DPYD: variants seen among roughly 807,000 people sequenced by gnomAD.
DPYD encodes the protein dihydropyrimidine dehydrogenase.
DPYD carries 109 observed loss-of-function variants against 116.2 expected under a neutral mutation model. The ratio of observed to expected loss-of-function variants is 0.94; its 90% confidence interval spans 0.80 to 1.10. The LOEUF (loss-of-function observed/expected upper bound fraction) is 1.10. DPYD is among the 50% of genes least tolerant of loss of function. DPYD has a pLI of 0.00. For synonymous variants in DPYD, 440 were observed against 432.0 expected (o/e 1.02, Z -0.23); for missense variants, 1,302 against 1,254.5 (o/e 1.04, Z -0.57).
chr1:97,751,460 G>GTGTGTATATA (rs763260651), intron 3 of DPYD, among the ~76,000 whole-genome samples: 949 of 21,136 alleles, frequency 0.045, 61 homozygotes, highest in Middle Eastern at 0.13. Flanking sequence ...GTGTGTGTGT[G>GTGTGTATATA]TATATATATA....
intron 20 of DPYD, among the ~76,000 whole-genome samples, chr1:97,114,461 C>T (rs972360429): frequency 4.6e-5 from 7 of 152,110 alleles, no homozygotes; most frequent in Non-Finnish European, 1.0e-4. Flanking sequence ...GATGTCCTAA[C>T]CATTTTATAA....
Position 97,439,387 on chromosome 1 carries a change from G to T in DPYD, c.1905+10672C>A, listed in dbSNP as rs143455995. ...GCGAATCTACTTGTGAAGCAATCTGGGCCTGAAGTTTTATTTTCTCTAATG... is the reference window on the plus strand; with the variant it reads ...GCGAATCTACTTGTGAAGCAATCTGTGCCTGAAGTTTTATTTTCTCTAATG... On this transcript the variant is annotated intron_variant, in intron 14 of 22. Coordinates refer to ENST00000370192, the MANE Select transcript of DPYD (RefSeq NM_000110.4). Among the ~76,000 whole-genome samples, 197 of 152,134 alleles carry T rather than the reference G, an allele frequency of 1.3e-3. 1 individual carries two copies. The highest frequency in any genetic ancestry group is 2.2e-3 in the Non-Finnish European group (152 of 67,972).
At chr1:97,504,165 C>A (rs748131828) in intron 13 of DPYD, among the ~76,000 whole-genome samples, 31 of 152,000 alleles carry the variant, frequency 2.0e-4, no homozygotes, top group Non-Finnish European at 3.4e-4. Context: ...TCCTGAGAGA[C>A]AGCTTTTAAA....
At chr1:97,553,189 G>T (rs1162889241) in intron 11 of DPYD, among the ~76,000 whole-genome samples, 4 of 151,822 alleles carry the variant, frequency 2.6e-5, no homozygotes, top group Non-Finnish European at 4.4e-5. Context: ...GTATGAATTT[G>T]ATTCATACTA....
chr1:97,755,739 A>G (rs1665192006), intron 3 of DPYD, among the ~76,000 whole-genome samples: 1 of 152,200 alleles, frequency 6.6e-6, no homozygotes, highest in African/African-American at 2.4e-5. Context: ...TGAGAAAGTT[A>G]TTTAAATCCT....
intron 12 of DPYD, among the ~76,000 whole-genome samples, chr1:97,519,592 A>G (rs1648488717): frequency 6.6e-6 from 1 of 152,114 alleles, no homozygotes; most frequent in South Asian, 2.1e-4. Context: ...TTTCAGTTCT[A>G]TGTATTATTA....
At chr1:97,199,893 A>G (rs1009281450) in intron 19 of DPYD, among the ~76,000 whole-genome samples, 1 of 152,228 alleles carries the variant, frequency 6.6e-6, no homozygotes. Context: ...ATTTCACGTA[A>G]TCTAGAATTT....
At chr1:97,659,854 C>T (rs1289684723) in intron 8 of DPYD, among the ~76,000 whole-genome samples, 1 of 151,956 alleles carries the variant, frequency 6.6e-6, no homozygotes, top group Non-Finnish European at 1.5e-5. Context: ...CAATTTCCAC[C>T]TTACTGTATA....
At chr1:97,239,993 T>C (rs974620789) in intron 18 of DPYD, among the ~76,000 whole-genome samples, 2 of 152,126 alleles carry the variant, frequency 1.3e-5, no homozygotes, top group Non-Finnish European at 2.9e-5. Context: ...GTAGTTTACT[T>C]TGACATTGCC....
chr1:97,539,656 C>G (rs1231152382), intron 12 of DPYD, among the ~76,000 whole-genome samples: 1 of 152,082 alleles, frequency 6.6e-6, no homozygotes, highest in African/African-American at 2.4e-5. Context: ...GCAAAAATAA[C>G]TCTAATGATG....
rs188743347 is a variant in DPYD at position 97,111,509 on chromosome 1, C to A, written c.2623-12877G>T. On this transcript the variant is annotated intron_variant, in intron 20 of 22. Coordinates refer to ENST00000370192, the MANE Select transcript of DPYD (RefSeq NM_000110.4). ...CTGGGTTTTTTTTTTTGGTCTGCAT[C>A]CAGATCTTTGCATAGTTGGATCCTT... is the stretch of plus-strand genomic sequence containing the variant. Among the ~76,000 whole-genome samples the A allele has an allele frequency of 8.6e-4, 130 of 151,386 alleles. 1 individual carries two copies. Among genetic ancestry groups the A allele is most frequent in the Admixed American group, 7.0e-3 (106 of 15,174 alleles).
intron 16 of DPYD, among the ~76,000 whole-genome samples, chr1:97,368,883 A>T (rs1303784293): frequency 1.3e-5 from 2 of 152,228 alleles, no homozygotes; most frequent in Non-Finnish European, 2.9e-5. Flanking sequence ...AATGCAGGCC[A>T]GGGAAGGCCA....
At chr1:97,722,338 T>C (rs1662969775) in intron 4 of DPYD, among the ~76,000 whole-genome samples, 1 of 151,518 alleles carries the variant, frequency 6.6e-6, no homozygotes, top group South Asian at 2.1e-4. Context: ...TGGTGATTTT[T>C]ATGATATACT....
chr1:97,894,681 A>G (rs1184146860), intron 1 of DPYD, among the ~76,000 whole-genome samples: 2 of 151,754 alleles, frequency 1.3e-5, no homozygotes, highest in Non-Finnish European at 1.5e-5. Flanking sequence ...AATAACATAT[A>G]TACTTTATAT....
At chr1:97,662,692 CT>C (rs1217929692) in intron 8 of DPYD, among the ~76,000 whole-genome samples, 2 of 151,952 alleles carry the variant, frequency 1.3e-5, no homozygotes, top group East Asian at 1.9e-4. Context: ...GTGGACTAAC[CT>C]TTTTTTGCCC....
intron 8 of DPYD, among the ~76,000 whole-genome samples, chr1:97,666,927 A>C (rs1659595023): frequency 1.3e-5 from 2 of 152,246 alleles, no homozygotes; most frequent in Non-Finnish European, 1.5e-5. Flanking sequence ...TCTTAAAACA[A>C]GAAGAAAATA....
intron 8 of DPYD, among the ~76,000 whole-genome samples, chr1:97,599,494 C>T (rs1435745123): frequency 6.6e-6 from 1 of 151,890 alleles, no homozygotes; most frequent in Non-Finnish European, 1.5e-5. Context: ...TACTCAGATT[C>T]TATAATGTTT....
At chr1:97,536,507 T>C (rs1393649490) in intron 12 of DPYD, among the ~76,000 whole-genome samples, 3 of 152,224 alleles carry the variant, frequency 2.0e-5, no homozygotes, top group African/African-American at 7.2e-5. Context: ...GTCAGCTCTG[T>C]TGATAAGATT....
At chr1:97,753,808 C>T (rs1188426537) in intron 3 of DPYD, among the ~76,000 whole-genome samples, 2 of 151,468 alleles carry the variant, frequency 1.3e-5, no homozygotes, top group African/African-American at 4.9e-5. Flanking sequence ...AAATATGAGG[C>T]ATAATAGATA....
Sources: allele counts gnomAD v4.1 joint callset (sites outside exome capture counted in the v4.1 genomes callset), GRCh38; gene constraint gnomAD v4.1.1; transcripts MANE v1.5; gene names NCBI Gene and HGNC (gene_info 2026-07-23, HGNC 2026-07-21).